Variants in CD38 observed in about 807,000 individuals in gnomAD.
The protein encoded by CD38 is CD38 molecule.
A neutral mutation model predicts 36.3 loss-of-function variants in CD38; 31 were observed. That is an observed-to-expected ratio of 0.85 (90% CI 0.64 to 1.15). The LOEUF is 1.15. Among genes scored for constraint, CD38 ranks in the 50% most tolerant of loss-of-function variants. The pLI is 0.00. For synonymous variants in CD38, 131 were observed against 135.2 expected, an observed-to-expected ratio of 0.97 and a Z score of 0.22; for missense variants, 380 against 371.9, an observed-to-expected ratio of 1.02 and a Z score of -0.18.
chr4:15,850,549 A>G lies in CD38; in HGVS notation c.*1947A>G, dbSNP rs1456008605. ...TAAAATGTGGTAAGTACTAAAGACG[A>G]CAGCAAAAATTGAGTCCAGCACAGA... On this transcript the variant is annotated 3_prime_UTR_variant, in exon 8 of 8. Coordinates refer to ENST00000226279, the MANE Select transcript of CD38 (RefSeq NM_001775.4). 6.6e-6 allele frequency: 1 copy of G among 152,192 alleles called. No individual in the cohort carries two copies. Among genetic ancestry groups the G allele is most frequent in the Non-Finnish European group, 1.5e-5 (1 of 68,034 alleles). 9.4% of individuals were successfully genotyped at this position (152,192 alleles called of 1,614,324 possible).
intron 2 of CD38, among the ~76,000 whole-genome samples, chr4:15,818,240 C>G (rs1292822273): frequency 6.6e-6 from 1 of 152,120 alleles, no homozygotes; most frequent in African/African-American, 2.4e-5. Flanking sequence ...GCTGGGAAGT[C>G]TGGACTGAGT....
Position 15,852,099 on chromosome 4 carries a change from TACA to T in CD38, c.*3504_*3506del, listed in dbSNP as rs1290244172. On this transcript the variant is annotated 3_prime_UTR_variant, in exon 8 of 8. Transcript: ENST00000226279. ...CATGACTGTATATATACTTTCCTGT[TACA>T]ACAACAGTGTCTCTCAATCCACAGT... 6.6e-6 allele frequency: 1 copy of T among 152,264 alleles called. No individual in the cohort carries two copies. Among genetic ancestry groups the T allele is most frequent in the Non-Finnish European group, 1.5e-5 (1 of 68,056 alleles). 9.4% of individuals were successfully genotyped at this position (152,264 alleles called of 1,614,324 possible). A position where few individuals can be genotyped will look rare whatever the true frequency, so the allele number is the denominator to read the frequency against.
At chr4:15,813,690 G>C (rs6449198) in intron 1 of CD38, among the ~76,000 whole-genome samples, 34,322 of 152,044 alleles carry the variant, frequency 0.23, 5,842 homozygotes, top group African/African-American at 0.48. Context: ...TGAGTGAGAA[G>C]ACGTGGTGTC....
At chr4:15,796,051 G>C (rs909717443) in intron 1 of CD38, among the ~76,000 whole-genome samples, 8 of 152,104 alleles carry the variant, frequency 5.3e-5, no homozygotes, top group African/African-American at 1.9e-4. Flanking sequence ...TCCTAAAAGA[G>C]ATAGTTTATG....
intron 1 of CD38, among the ~76,000 whole-genome samples, chr4:15,791,704 G>A (rs1258962219): frequency 1.2e-4 from 10 of 81,348 alleles, no homozygotes; most frequent in African/African-American, 2.1e-4. Flanking sequence ...CTGGCCAGCC[G>A]CCCCGTCCGG....
intron 1 of CD38, among the ~76,000 whole-genome samples, chr4:15,789,219 T>C (rs953149024): frequency 2.6e-5 from 4 of 152,206 alleles, no homozygotes; most frequent in African/African-American, 9.7e-5. Context: ...GAAACTCTTT[T>C]AGATCCTGGA....
rs113062351 is a variant in CD38 at position 15,786,916 on chromosome 4, G to A, written c.233+8269G>A. ...GCTGAGGCCCAGCAAGAATTGGAGC[G>A]CAGCGCCAGTGGGCCAGCACTGCTG... On this transcript the variant is annotated intron_variant, in intron 1 of 7. Transcript: ENST00000226279. Among the ~76,000 whole-genome samples the A allele has an allele frequency of 7.7e-3, 1,178 of 152,362 alleles. 16 individuals carry two copies. Among genetic ancestry groups the A allele is most frequent in the African/African-American group, 0.027 (1,103 of 41,584 alleles).
chr4:15,822,542 C>A (rs563296946), intron 2 of CD38, among the ~76,000 whole-genome samples: 68 of 152,110 alleles, frequency 4.5e-4, no homozygotes, highest in African/African-American at 1.5e-3. Flanking sequence ...TTCCTGTACA[C>A]CAACAACACG....
At position 15,838,496 on chromosome 4, in the gene CD38, C is replaced by T. The variant is rs145529515; in HGVS notation, c.659+331C>T. Among the ~76,000 whole-genome samples the T allele has an allele frequency of 1.3e-4, 20 of 152,224 alleles. No homozygotes were observed. In the East Asian group the frequency reaches 1.5e-3, roughly 12 times the overall value. On this transcript the variant is annotated intron_variant, in intron 5 of 7. Coordinates refer to ENST00000226279, the MANE Select transcript of CD38 (RefSeq NM_001775.4). ...ACCCATTGCTCACCATTGTTCACACCGTTCCCCCATATGACCTGCCTCCCC... is the reference window on the plus strand; with the variant it reads ...ACCCATTGCTCACCATTGTTCACACTGTTCCCCCATATGACCTGCCTCCCC...
In CD38 at chr4:15,852,710, C is replaced by T. The variant is rs987573832; in HGVS notation, c.*4108C>T. The T allele has an allele frequency of 3.3e-5, 5 of 152,044 alleles. No individual in the cohort carries two copies. The highest frequency in any genetic ancestry group is 9.7e-5 in the African/African-American group (4 of 41,388). The allele number at this position is 152,044 out of a possible 1,614,324, so 9.4% of individuals were successfully genotyped here. ...AATCCACCAAGAACTCAGTAGGCAG[C>T]TGAGAGGTGCTGCCCAGAGAAGTGG... is the stretch of plus-strand genomic sequence containing the variant. On this transcript the variant is annotated 3_prime_UTR_variant, in exon 8 of 8. Transcript: ENST00000226279.
At chr4:15,841,865 G>A (rs1724218882) in intron 7 of CD38, among the ~76,000 whole-genome samples, 1 of 122,146 alleles carries the variant, frequency 8.2e-6, no homozygotes, top group South Asian at 2.7e-4. Flanking sequence ...CTTAAGAAAC[G>A]GCGCACCGCG....
At chr4:15,783,838 C>T (rs1376328623) in intron 1 of CD38, among the ~76,000 whole-genome samples, 1 of 152,158 alleles carries the variant, frequency 6.6e-6, no homozygotes, top group Non-Finnish European at 1.5e-5. Flanking sequence ...CTTCCCCATG[C>T]CTCCCATTTT....
rs1724346882 is a variant in CD38 at position 15,849,762 on chromosome 4, T to C, written c.*1160T>C. ...GCATTGGAAACATAGAAATGCTTTC[T>C]GATTTCTTTGGGTAGATTTACGTAT... On this transcript the variant is annotated 3_prime_UTR_variant, in exon 8 of 8. Coordinates refer to ENST00000226279, the MANE Select transcript of CD38 (RefSeq NM_001775.4). 6.6e-6 allele frequency: 1 copy of C among 152,248 alleles called. No homozygotes were observed. The highest frequency in any genetic ancestry group is 2.4e-5 in the African/African-American group (1 of 41,462). 9.4% of individuals were successfully genotyped at this position (152,248 alleles called of 1,614,324 possible).
intron 1 of CD38, among the ~76,000 whole-genome samples, chr4:15,781,209 T>A (rs1422020206): frequency 2.0e-5 from 3 of 152,218 alleles, no homozygotes; most frequent in African/African-American, 7.2e-5. Flanking sequence ...CACTTTGTAT[T>A]GTGACAGGTG....
chr4:15,824,728 A>G (rs1308680443), intron 2 of CD38, among the ~76,000 whole-genome samples, 153 bp from the exon 3 acceptor site: 1 of 152,086 alleles, frequency 6.6e-6, no homozygotes, highest in Non-Finnish European at 1.5e-5. Context: ...TCCTGCACAC[A>G]GAAATCATTG....
chr4:15,831,772 G>C (rs2148926293), intron 3 of CD38, among the ~76,000 whole-genome samples: 1 of 152,052 alleles, frequency 6.6e-6, no homozygotes, highest in Non-Finnish European at 1.5e-5. Flanking sequence ...AGCATTCTTG[G>C]GTTAAATCTG....
intron 1 of CD38, among the ~76,000 whole-genome samples, chr4:15,785,055 T>TA (rs11373711): frequency 0.56 from 81,892 of 147,092 alleles, 23,754 homozygotes; most frequent in African/African-American, 0.76. Flanking sequence ...GACTCTGTCT[T>TA]AAAAAAAAAA....
At chr4:15,829,469 CACTAAT>C (rs1190745918) in intron 3 of CD38, among the ~76,000 whole-genome samples, 1 of 151,996 alleles carries the variant, frequency 6.6e-6, no homozygotes, top group Non-Finnish European at 1.5e-5. Context: ...ACATAAAATA[CACTAAT>C]ACTAATGATA....
chr4:15,827,957 T>C (rs1005824969), intron 3 of CD38, among the ~76,000 whole-genome samples: 2 of 152,212 alleles, frequency 1.3e-5, no homozygotes, highest in Non-Finnish European at 1.5e-5. Context: ...GAAAAATGAA[T>C]TTATGAATAC....
Sources: gnomAD v4.1 joint callset for allele counts (sites outside exome capture counted in the v4.1 genomes callset) on GRCh38, gnomAD v4.1.1 for gene constraint, MANE v1.5 for transcripts, NCBI Gene and HGNC (gene_info 2026-07-23, HGNC 2026-07-21) for gene names.